Variants in GPM6A observed in about 807,000 individuals in gnomAD.
GPM6A encodes glycoprotein M6A, also known as neuronal membrane glycoprotein M6-a.
In GPM6A, 7 loss-of-function variants were observed where a neutral mutation model predicts 32.1. That is an observed-to-expected ratio of 0.22 (90% CI 0.12 to 0.41). The LOEUF (loss-of-function observed/expected upper bound fraction) is 0.41, where lower values mean the gene tolerates loss of function less well. Among genes scored for constraint, GPM6A ranks in the 10% least tolerant of loss-of-function variants. The pLI, the probability that GPM6A is intolerant of heterozygous loss-of-function variation, is 1.00. For missense variants in GPM6A, 235 were observed against 347.2 expected, an observed-to-expected ratio of 0.68 and a Z score of 2.57; for synonymous variants, 130 against 123.4, an observed-to-expected ratio of 1.05 and a Z score of -0.35.
intron 1 of GPM6A, among the ~76,000 whole-genome samples, chr4:175,784,711 CTAAG>C (rs1160515046): frequency 6.6e-6 from 1 of 151,744 alleles, no homozygotes; most frequent in Non-Finnish European, 1.5e-5. Flanking sequence ...TCTAAATATG[CTAAG>C]TGTGTGTGTG....
chr4:175,749,284 T>C (rs1180119741), intron 1 of GPM6A, among the ~76,000 whole-genome samples: 1 of 152,068 alleles, frequency 6.6e-6, no homozygotes, highest in Non-Finnish European at 1.5e-5. Context: ...CAGATCACCA[T>C]AACAAATATA....
At chr4:175,804,931 G>A (rs1203498312) in intron 1 of GPM6A, among the ~76,000 whole-genome samples, 7 of 152,112 alleles carry the variant, frequency 4.6e-5, no homozygotes, top group African/African-American at 1.4e-4. Context: ...TGTAGTCCCA[G>A]CTATTCGGGA....
chr4:175,859,040 G>A (rs948924946), intron 1 of GPM6A, among the ~76,000 whole-genome samples: 8 of 152,176 alleles, frequency 5.3e-5, no homozygotes, highest in African/African-American at 1.9e-4. Flanking sequence ...GTGATAGAAG[G>A]AAGATTAGTG....
At chr4:175,993,228 A>G (rs1741205899) in intron 1 of GPM6A, among the ~76,000 whole-genome samples, 1 of 149,652 alleles carries the variant, frequency 6.7e-6, no homozygotes, top group African/African-American at 2.5e-5. Context: ...CTATGAGAGC[A>G]GACTTGTATC....
chr4:175,794,250 A>G (rs1035985691), intron 1 of GPM6A, among the ~76,000 whole-genome samples: 14 of 152,222 alleles, frequency 9.2e-5, no homozygotes, highest in African/African-American at 3.4e-4. Context: ...TATGCAAATT[A>G]ATAAATATAA....
At chr4:175,728,523 T>C (rs1336394539) in intron 1 of GPM6A, among the ~76,000 whole-genome samples, 1 of 152,240 alleles carries the variant, frequency 6.6e-6, no homozygotes, top group Non-Finnish European at 1.5e-5. Context: ...ATACAAATAA[T>C]TATTTCAAGG....
chr4:175,891,762 G>A (rs1432851429), intron 1 of GPM6A: 1 of 152,228 alleles, frequency 6.6e-6, no homozygotes. Flanking sequence ...TTTAAGACAT[G>A]TAAAGTATTG....
At chr4:175,926,880 C>G (rs931234865) in intron 1 of GPM6A, among the ~76,000 whole-genome samples, 2 of 152,058 alleles carry the variant, frequency 1.3e-5, no homozygotes, top group African/African-American at 4.8e-5. Flanking sequence ...CAAATCAGTG[C>G]CTTAACCATT....
intron 1 of GPM6A, among the ~76,000 whole-genome samples, chr4:175,895,651 T>C (rs1164975945): frequency 2.0e-5 from 3 of 152,184 alleles, no homozygotes; most frequent in Admixed American, 2.0e-4. Flanking sequence ...CAGTAGGATA[T>C]TGGTAAAGTC....
intron 1 of GPM6A, among the ~76,000 whole-genome samples, chr4:175,803,717 G>T (rs1469702033): frequency 3.3e-5 from 5 of 152,074 alleles, no homozygotes; most frequent in Non-Finnish European, 5.9e-5. Flanking sequence ...AAGGAGCCAG[G>T]GCTTTAACAC....
rs200079918 is a variant in GPM6A, at chr4:175,642,891, T to TA, written c.542-2063dup. ...CTATTTGGATTTCTAATAAGCATTT[T>TA]AAAAAAACTTCTGCTCTTCTCCTTT... On this transcript the variant is annotated intron_variant, in intron 4 of 6. Transcript: ENST00000393658. 8.0e-4 allele frequency among the ~76,000 whole-genome samples: 122 copies of TA among 152,266 alleles called. 3 individuals carry two copies. The East Asian group carries it at 0.011, about 13-fold the overall frequency.
chr4:175,955,072 C>T (rs1420429789), intron 1 of GPM6A, among the ~76,000 whole-genome samples: 2 of 152,242 alleles, frequency 1.3e-5, no homozygotes, highest in Non-Finnish European at 2.9e-5. Context: ...TCACCCTATT[C>T]TCCAAAACAC....
At chr4:175,776,147 T>C (rs1331942743) in intron 1 of GPM6A, among the ~76,000 whole-genome samples, 3 of 152,086 alleles carry the variant, frequency 2.0e-5, no homozygotes, top group Admixed American at 6.6e-5. Context: ...AGCAAAGACT[T>C]TTTCAAAAAG....
At chr4:175,636,848 T>A (rs894674342) in intron 6 of GPM6A, among the ~76,000 whole-genome samples, 2 of 144,456 alleles carry the variant, frequency 1.4e-5, no homozygotes, top group African/African-American at 5.0e-5. Context: ...AAATATATAT[T>A]TTTATATTAT....
intron 1 of GPM6A, among the ~76,000 whole-genome samples, chr4:175,742,234 CA>C (rs1342272825): frequency 1.3e-5 from 2 of 152,006 alleles, no homozygotes; most frequent in Non-Finnish European, 2.9e-5. Flanking sequence ...CTATATCATC[CA>C]AAATGTAAAA....
chr4:175,896,965 CAAGATGATT>C (rs1337272219), intron 1 of GPM6A, among the ~76,000 whole-genome samples: 1 of 151,790 alleles, frequency 6.6e-6, no homozygotes, highest in African/African-American at 2.4e-5. Flanking sequence ...ATGTTTAATT[CAAGATGATT>C]AACTCAAGCA....
chr4:175,873,187 TA>T (rs33989768), intron 1 of GPM6A, among the ~76,000 whole-genome samples: 51,571 of 151,638 alleles, frequency 0.34, 8,755 homozygotes, highest in African/African-American at 0.37. Context: ...AAGTAGGTCC[TA>T]AAAAAAATCA....
At chr4:175,733,397 G>A (rs796560168) in intron 1 of GPM6A, among the ~76,000 whole-genome samples, 23 of 152,252 alleles carry the variant, frequency 1.5e-4, no homozygotes, top group African/African-American at 5.5e-4. Context: ...AAGCTACTCG[G>A]GAGGCTGAGG....
chr4:176,000,297 T>A (rs1439371519), intron 1 of GPM6A, among the ~76,000 whole-genome samples: 1 of 152,170 alleles, frequency 6.6e-6, no homozygotes, highest in Admixed American at 6.5e-5. Context: ...ATTTTAGGTA[T>A]CTGTCAGATT....
Sources: gnomAD v4.1 joint callset for allele counts (sites outside exome capture counted in the v4.1 genomes callset) on GRCh38, gnomAD v4.1.1 for gene constraint, MANE v1.5 for transcripts, NCBI Gene and HGNC (gene_info 2026-07-23, HGNC 2026-07-21) for gene names.